MAP3K15: variants seen among roughly 807,000 people sequenced by gnomAD.
MAP3K15 encodes the protein mitogen-activated protein kinase kinase kinase 15.
A neutral mutation model predicts 99.5 loss-of-function variants in MAP3K15; 124 were observed. That is an observed-to-expected ratio of 1.25 (90% CI 1.08 to 1.45). The LOEUF (loss-of-function observed/expected upper bound fraction) is 1.45, where lower values mean the gene tolerates loss of function less well. MAP3K15 is among the 40% of genes most tolerant of loss of function. The pLI is 0.00. For missense variants in MAP3K15, 1,242 were observed against 1,079.7 expected (o/e 1.15, Z -2.11); for synonymous variants, 494 against 439.6 (o/e 1.12, Z -1.55).
In MAP3K15 at chrX:19,362,789, C is replaced by G. The variant is rs758795249; in HGVS notation, c.3628G>C (p.Glu1210Gln). ...TGATACAATTCTTGAGTTTTCTGTT[C>G]TAGAGTTTGCCGCAGAAGATTCTGG... ...EYQNLLRQTL[E>Q]QKTQELYHLQ... The change falls in exon 26 of 29, where the codon GAA becomes CAA. Residue 1210 changes from glutamate (E) to glutamine (Q), a missense_variant. Transcript: ENST00000338883. 1.7e-6 allele frequency: 2 copies of G among 1,195,035 alleles called. No individual in the cohort carries two copies. The highest frequency in any genetic ancestry group is 6.0e-5 in the East Asian group (2 of 33,407).
intron 18 of MAP3K15, among the ~76,000 whole-genome samples, chrX:19,382,264 A>G (rs745892050): frequency 9.2e-6 from 1 of 108,437 alleles, no homozygotes; most frequent in African/African-American, 3.4e-5. Flanking sequence ...AAAAAAAAAA[A>G]AAAGGAAAGC....
chrX:19,376,835 G>A (rs2063421697), intron 19 of MAP3K15: 1 of 108,337 alleles, frequency 9.2e-6, no homozygotes, highest in South Asian at 4.0e-4. Flanking sequence ...AGATTTCTTT[G>A]TTCCTTCCCC....
At chrX:19,409,304 A>G (rs940399139) in intron 12 of MAP3K15, among the ~76,000 whole-genome samples, 2 of 111,426 alleles carry the variant, frequency 1.8e-5, no homozygotes, top group Admixed American at 1.9e-4. Context: ...TGACTTTCCT[A>G]ACATCACCCA....
At position 19,415,122 on chromosome X, in the gene MAP3K15, A is replaced by G. The variant is rs767215661; in HGVS notation, c.1575T>C (p.Asn525=). ...IIFEATNEVT[N]GLRFPVLVIE... is the part of the protein sequence containing the mutation. ...CATATCTTACTGGAAATCTGAGTCC[A>G]TTAGTGACTTCATTTGTTGCCTCAA... The change falls in exon 10 of 29, where the codon AAT becomes AAC. Residue 525 remains asparagine (N), a synonymous_variant. Transcript: ENST00000338883. 2 of 1,166,364 alleles carry G rather than the reference A, an allele frequency of 1.7e-6. No individual in the cohort carries two copies. Among genetic ancestry groups the G allele is most frequent in the African/African-American group, 3.5e-5 (2 of 56,478 alleles).
chrX:19,418,743 C>G (rs2063757788), intron 9 of MAP3K15, among the ~76,000 whole-genome samples: 1 of 111,273 alleles, frequency 9.0e-6, no homozygotes, highest in Non-Finnish European at 1.9e-5. Flanking sequence ...TTGTCAGATT[C>G]ACCAAAGTTG....
chrX:19,514,346 AG>A (rs1216727437), intron 1 of MAP3K15, among the ~76,000 whole-genome samples: 1 of 104,736 alleles, frequency 9.5e-6, no homozygotes, highest in African/African-American at 3.5e-5. Context: ...ACTTGGGAGA[AG>A]GGGGGCTTGG....
chrX:19,474,309 C>T (rs952389993), intron 3 of MAP3K15, among the ~76,000 whole-genome samples: 45 of 110,849 alleles, frequency 4.1e-4, no homozygotes, highest in African/African-American at 1.4e-3. Context: ...ATTCAGAGGG[C>T]CAAGGATTGA....
rs779270787 is a variant in MAP3K15, at chrX:19,485,228, G to C, written c.525+1254C>G. 1.3e-3 allele frequency among the ~76,000 whole-genome samples: 118 copies of C among 93,341 alleles called. 1 individual carries two copies. Among genetic ancestry groups the C allele is most frequent in the African/African-American group, 4.6e-3 (115 of 25,272 alleles). 81.1% of individuals were successfully genotyped at this position (93,341 alleles called of 115,157 possible). ...GGAGGCTGAGACAGGAGAATCGCTT[G>C]AACCCTGGAGGCAGAGGTTGCAGTG... On this transcript the variant is annotated intron_variant, in intron 3 of 28. Transcript: ENST00000338883.
In MAP3K15 at chrX:19,395,305, C is replaced by T. The variant is rs1031484624; in HGVS notation, c.2067-97G>A. 12 of 876,839 alleles carry T rather than the reference C, an allele frequency of 1.4e-5. No homozygotes were observed. In the African/African-American group the frequency reaches 2.4e-4, roughly 18 times the overall value. The allele number at this position is 876,839 out of a possible 1,213,427, so 72.3% of individuals were successfully genotyped here. ...GGACCTGCCCCACTGCTGCCCATCC[C>T]TTCTTTCTGGAAACTTTCTTTTCTC... On this transcript the variant is annotated intron_variant, in intron 15 of 28. Transcript: ENST00000338883.
intron 26 of MAP3K15, among the ~76,000 whole-genome samples, chrX:19,362,419 C>A (rs752826): frequency 1.4e-4 from 15 of 107,773 alleles, no homozygotes; most frequent in African/African-American, 5.2e-4. Flanking sequence ...ATTTTTTGTA[C>A]GGATGGGGTT....
intron 18 of MAP3K15, 47 bp downstream of exon 18, chrX:19,391,955 G>A: frequency 1.0e-6 from 1 of 955,064 alleles, no homozygotes; most frequent in Non-Finnish European, 1.5e-6. Context: ...TGTGCAGAAA[G>A]CGTAACTCTG....
intron 1 of MAP3K15, among the ~76,000 whole-genome samples, chrX:19,505,292 G>A (rs1052859281): frequency 9.0e-6 from 1 of 111,210 alleles, no homozygotes; most frequent in Non-Finnish European, 1.9e-5. Context: ...CCCACAGCCT[G>A]ACTCTTTCTT....
intron 3 of MAP3K15, among the ~76,000 whole-genome samples, chrX:19,477,441 T>C (rs1215599078): frequency 3.1e-4 from 34 of 111,359 alleles, no homozygotes; most frequent in Non-Finnish European, 5.1e-4. Context: ...TGGTGGCTCA[T>C]GCCTGTAACC....
intron 6 of MAP3K15, among the ~76,000 whole-genome samples, chrX:19,440,767 C>T (rs1043621221): frequency 8.9e-6 from 1 of 112,477 alleles, no homozygotes. Flanking sequence ...GGAATCTCCA[C>T]GCTGATAGAT....
At chrX:19,503,968 T>C (rs1197473087) in intron 1 of MAP3K15, among the ~76,000 whole-genome samples, 1 of 106,813 alleles carries the variant, frequency 9.4e-6, no homozygotes, top group Non-Finnish European at 1.9e-5. Context: ...AAAGTAAAAA[T>C]AGCTGGACAT....
At chrX:19,427,391 C>T (rs780285194) in intron 7 of MAP3K15, among the ~76,000 whole-genome samples, 1 of 111,457 alleles carries the variant, frequency 9.0e-6, no homozygotes, top group Non-Finnish European at 1.9e-5. Context: ...TAGGCCATTT[C>T]TCTGCAAGCT....
chrX:19,391,102 A>G (rs1197014877), intron 18 of MAP3K15, among the ~76,000 whole-genome samples: 1 of 111,360 alleles, frequency 9.0e-6, no homozygotes, highest in East Asian at 2.8e-4. Flanking sequence ...TTATTCCATT[A>G]CTGACACATG....
intron 11 of MAP3K15, 87 bp from the exon 12 acceptor site, chrX:19,410,060 T>C: frequency 1.2e-6 from 1 of 824,709 alleles, no homozygotes; most frequent in South Asian, 2.3e-5. Flanking sequence ...CAATCATTTC[T>C]GCTATTTTAC....
Position 19,504,537 on chromosome X carries a change from C to T in MAP3K15, c.361+10364G>A, listed in dbSNP as rs1375483555. The stretch of plus-strand genomic sequence containing the variant: ...AGAGGGAGAAGCCAGACATAACTCA[C>T]GTGAAAGGTGGCAAGGAAAACTAAA... On this transcript the variant is annotated intron_variant, in intron 1 of 28. Coordinates refer to ENST00000338883, the MANE Select transcript of MAP3K15 (RefSeq NM_001001671.4). Among the ~76,000 whole-genome samples the T allele has an allele frequency of 6.3e-5, 7 of 111,653 alleles. 1 individual carries two copies. Among genetic ancestry groups the T allele is most frequent in the African/African-American group, 1.3e-4 (4 of 30,715 alleles).
Sources: gnomAD v4.1 joint callset for allele counts (sites outside exome capture counted in the v4.1 genomes callset) on GRCh38, gnomAD v4.1.1 for gene constraint, MANE v1.5 for transcripts, NCBI Gene and HGNC (gene_info 2026-07-23, HGNC 2026-07-21) for gene names.